Variants in CSMD3 observed in about 807,000 individuals in gnomAD.
CSMD3 encodes the protein CUB and Sushi multiple domains 3, also known as CUB and sushi domain-containing protein 3.
In CSMD3, 177 loss-of-function variants were observed where a neutral mutation model predicts 435.2. The ratio of observed to expected loss-of-function variants is 0.41; its 90% CI spans 0.36 to 0.46. The LOEUF is 0.46. Ranked by LOEUF, CSMD3 falls within the 20% of genes least tolerant of loss-of-function variation. CSMD3 has a pLI of 0.34. For missense variants in CSMD3, 4,265 were observed against 4,504.6 expected, an observed-to-expected ratio of 0.95 and a Z score of 1.52; for synonymous variants, 1,656 against 1,520.5, an observed-to-expected ratio of 1.09 and a Z score of -2.07.
intron 17 of CSMD3, among the ~76,000 whole-genome samples, chr8:112,663,311 A>C (rs2131692678): frequency 6.6e-6 from 1 of 152,212 alleles, no homozygotes; most frequent in South Asian, 2.1e-4. Context: ...CAGCCATAAA[A>C]AATGATGAGT....
intron 38 of CSMD3, among the ~76,000 whole-genome samples, chr8:112,365,627 A>T (rs937384828): frequency 1.3e-4 from 20 of 152,134 alleles, no homozygotes; most frequent in Admixed American, 5.9e-4. Flanking sequence ...TTACATGAAG[A>T]ACAAACATCA....
chr8:112,986,306 A>T lies in CSMD3; in HGVS notation c.1031-10158T>A, dbSNP rs914748623. ...AAACTCTACCTTGATATTAATTTAG[A>T]CTTACAAACTCTGAAAATTTTCTAC... On this transcript the variant is annotated intron_variant, in intron 6 of 70. Coordinates refer to ENST00000297405, the MANE Select transcript of CSMD3 (RefSeq NM_198123.2). Among the ~76,000 whole-genome samples the T allele has an allele frequency of 8.5e-5, 13 of 152,268 alleles. No homozygotes were observed. The East Asian group carries it at 2.5e-3, about 29-fold the overall frequency.
rs2130989797 is a variant in CSMD3, at chr8:112,517,189, G to C, written c.4601C>G (p.Pro1534Arg). The C allele has an allele frequency of 6.2e-7, 1 of 1,613,616 alleles. No homozygotes were observed. The highest frequency in any genetic ancestry group is 8.5e-7 in the Non-Finnish European group (1 of 1,179,864). The change falls in exon 28 of 71, where the codon CCC (proline) becomes CGC (arginine). Residue 1534 changes from proline to arginine, a missense_variant. Around this residue, in one of 3 missense-constraint regions of CSMD3, gnomAD observed 3,255 missense variants for 3,380.2 expected, o/e 0.96. Coordinates refer to ENST00000297405, the MANE Select transcript of CSMD3 (RefSeq NM_198123.2). ...VATACRDPGV[P>R]MNGTRNGDGR... ...ATCCCCATTTCGAGTCCCATTCATG[G>C]GGACCCCTGGGTCACGACACGCAGT...
chr8:112,457,249 C>T (rs973474989), intron 32 of CSMD3, among the ~76,000 whole-genome samples: 2 of 151,930 alleles, frequency 1.3e-5, no homozygotes, highest in Non-Finnish European at 2.9e-5. Flanking sequence ...TGGAGTTTTT[C>T]CTCTGCCCTA....
At chr8:113,430,031 T>C (rs1219110597) in intron 1 of CSMD3, among the ~76,000 whole-genome samples, 2 of 152,088 alleles carry the variant, frequency 1.3e-5, no homozygotes, top group Admixed American at 6.5e-5. Flanking sequence ...AGAGGTAGCA[T>C]TTTTTTCTTT....
intron 17 of CSMD3, among the ~76,000 whole-genome samples, chr8:112,664,850 T>TTGTGGACACCTTGA (rs2075480826): frequency 6.6e-6 from 1 of 152,148 alleles, no homozygotes; most frequent in Admixed American, 6.6e-5. Flanking sequence ...GATCTTGAAC[T>TTGTGGACACCTTGA]TCTAGCCTCC....
intron 70 of CSMD3, among the ~76,000 whole-genome samples, chr8:112,226,913 G>C (rs189925391): frequency 6.6e-6 from 1 of 152,138 alleles, no homozygotes; most frequent in East Asian, 1.9e-4. Flanking sequence ...CCCCAAACCT[G>C]GAAAATAACA....
intron 13 of CSMD3, among the ~76,000 whole-genome samples, chr8:112,787,569 A>G (rs1337156495): frequency 6.6e-6 from 1 of 152,194 alleles, no homozygotes; most frequent in African/African-American, 2.4e-5. Flanking sequence ...GGATAAAAAA[A>G]CTGTGCTGCA....
At chr8:112,500,084 G>A (rs1586529957) in intron 30 of CSMD3, among the ~76,000 whole-genome samples, 1 of 152,082 alleles carries the variant, frequency 6.6e-6, no homozygotes, top group East Asian at 1.9e-4. Flanking sequence ...ACCCCAGTCT[G>A]GGCAACACAG....
At chr8:112,920,995 GCGCACA>G (rs1293189624) in intron 10 of CSMD3, among the ~76,000 whole-genome samples, 39 of 108,924 alleles carry the variant, frequency 3.6e-4, no homozygotes, top group African/African-American at 1.4e-3. Flanking sequence ...ATACGCGCGC[GCGCACA>G]CACACACACA....
chr8:113,286,283 T>C (rs1447264515), intron 2 of CSMD3, among the ~76,000 whole-genome samples: 1 of 152,170 alleles, frequency 6.6e-6, no homozygotes, highest in Non-Finnish European at 1.5e-5. Context: ...ATGATAACGA[T>C]ATTTTATACT....
intron 5 of CSMD3, among the ~76,000 whole-genome samples, chr8:113,023,036 T>A (rs1200402558): frequency 1.3e-5 from 2 of 152,086 alleles, no homozygotes. Context: ...ATAAGAAAAT[T>A]GAGAGAATGA....
chr8:112,314,591 G>T lies in CSMD3; in HGVS notation c.7387C>A (p.Leu2463Ile). The change falls in exon 48 of 71, where the codon CTA becomes ATA. Residue 2463 changes from leucine (L) to isoleucine (I), a missense_variant. By Grantham distance (5) the Leu-to-Ile change is conservative. Transcript: ENST00000297405. ...CTCAATATGACTCCAGTAGAATCTA[G>T]CCGTAATTCATTGGCAGGACAGAGC... Reference protein sequence around the residue: ...QVLCPANELRLDSTGVILSPG... With the variant: ...QVLCPANELRIDSTGVILSPG... 3 of 1,612,476 alleles carry T rather than the reference G, an allele frequency of 1.9e-6. No individual in the cohort carries two copies. The highest frequency in any genetic ancestry group is 2.5e-6 in the Non-Finnish European group (3 of 1,178,762).
chr8:112,304,122 T>C (rs1254886491), intron 52 of CSMD3, among the ~76,000 whole-genome samples: 1 of 152,150 alleles, frequency 6.6e-6, no homozygotes, highest in Non-Finnish European at 1.5e-5. Context: ...TTCAATAATA[T>C]TTATTGAGGA....
intron 13 of CSMD3, among the ~76,000 whole-genome samples, chr8:112,721,624 C>G (rs181514736): frequency 6.6e-6 from 1 of 152,232 alleles, no homozygotes; most frequent in Non-Finnish European, 1.5e-5. Context: ...TATTTTTGAT[C>G]TACTAAAGAT....
chr8:113,088,716 G>C (rs1267427266), intron 5 of CSMD3, among the ~76,000 whole-genome samples: 1 of 115,128 alleles, frequency 8.7e-6, no homozygotes, highest in South Asian at 3.8e-4. Flanking sequence ...GCTGTGGGGT[G>C]GGGGGAGGGG....
In CSMD3 at chr8:112,947,770, T is replaced by A. The variant is rs2130797406; in HGVS notation, c.1508+20A>T. 1 of 939,518 alleles carries A rather than the reference T, an allele frequency of 1.1e-6. No homozygotes were observed. Among genetic ancestry groups the A allele is most frequent in the Non-Finnish European group, 1.8e-6 (1 of 568,956 alleles). The allele number at this position is 939,518 out of a possible 1,614,324, so 58.2% of individuals were successfully genotyped here. ...AACCTTGACAAGATAAATAATGAAG[T>A]CAATATTTTAAAATATTACCTAAAA... On this transcript the variant is annotated intron_variant, in intron 9 of 70. Coordinates refer to ENST00000297405, the MANE Select transcript of CSMD3 (RefSeq NM_198123.2).
At chr8:112,365,008 A>G (rs1827627740) in intron 38 of CSMD3, among the ~76,000 whole-genome samples, 1 of 152,108 alleles carries the variant, frequency 6.6e-6, no homozygotes, top group Non-Finnish European at 1.5e-5. Context: ...TATGTTCCTA[A>G]TACAAGTAAT....
intron 3 of CSMD3, among the ~76,000 whole-genome samples, chr8:113,176,108 C>CATA (rs1554798415): frequency 6.6e-6 from 1 of 152,012 alleles, no homozygotes; most frequent in Non-Finnish European, 1.5e-5. Context: ...CCTGCCTTAT[C>CATA]GCTTAATTAC....
Sources: allele counts gnomAD v4.1 joint callset (sites outside exome capture counted in the v4.1 genomes callset), GRCh38; gene constraint gnomAD v4.1.1; regional missense constraint gnomAD v4.1.1; transcripts MANE v1.5; gene names NCBI Gene and HGNC (gene_info 2026-07-23, HGNC 2026-07-21).